HEATR4: variants seen among roughly 807,000 people sequenced by gnomAD.
HEATR4 encodes the protein HEAT repeat-containing protein 4.
HEATR4 carries 95 observed loss-of-function variants against 108.8 expected under a neutral mutation model. That is an observed-to-expected ratio of 0.87 (90% CI 0.74 to 1.04). The LOEUF (loss-of-function observed/expected upper bound fraction) is 1.04, where lower values mean the gene tolerates loss of function less well. Ranked by LOEUF, HEATR4 falls within the 50% of genes least tolerant of loss-of-function variation. The pLI is 0.00. For missense variants in HEATR4, 1,152 were observed against 1,253.8 expected (o/e 0.92, Z 1.23); for synonymous variants, 443 against 459.4 (o/e 0.96, Z 0.46).
intron 17 of HEATR4, among the ~76,000 whole-genome samples, chr14:73,480,002 C>G (rs781038995): frequency 1.2e-3 from 181 of 152,218 alleles, no homozygotes; most frequent in Non-Finnish European, 1.6e-3. Flanking sequence ...TATGTTCACT[C>G]ACACATTTGT....
Position 73,548,208 on chromosome 14 carries a change from TG to T in HEATR4, c.-152+10542del, listed in dbSNP as rs1168689598. Among the ~76,000 whole-genome samples the T allele has an allele frequency of 1.9e-3, 219 of 116,240 alleles. 67 individuals carry two copies. Among genetic ancestry groups the T allele is most frequent in the Middle Eastern group, 4.7e-3 (1 of 214 alleles). 76.3% of individuals were successfully genotyped at this position (116,240 alleles called of 152,430 possible). A position where few individuals can be genotyped will look rare whatever the true frequency, so the allele number is the denominator to read the frequency against. ...TAGAAGGGTCCAGCTGCCAGCCACT[TG>T]TAAAAAGAAGCCAATATAATAAGAG... is the stretch of plus-strand genomic sequence containing the variant. On this transcript the variant is annotated intron_variant, in intron 1 of 17. Transcript: ENST00000553558.
At chr14:73,546,359 G>A (rs1889229832) in intron 1 of HEATR4, among the ~76,000 whole-genome samples, 1 of 97,544 alleles carries the variant, frequency 1.0e-5, no homozygotes, top group African/African-American at 4.2e-5. Flanking sequence ...TTGACATTTC[G>A]TATTTTTTTT....
At chr14:73,519,187 G>A in intron 4 of HEATR4, 24 bp from the exon 5 acceptor site, 1 of 1,604,788 alleles carries the variant, frequency 6.2e-7, no homozygotes, top group South Asian at 1.1e-5. Context: ...AAGAAACAAT[G>A]AGTCCCCTAT....
Position 73,554,935 on chromosome 14 carries a change from G to A in HEATR4, c.-152+3816C>T, listed in dbSNP as rs1889373357. 3.5e-5 allele frequency among the ~76,000 whole-genome samples: 4 copies of A among 112,940 alleles called. No individual in the cohort carries two copies. In the South Asian group the frequency reaches 1.1e-3, roughly 31 times the overall value. The allele number at this position is 112,940 out of a possible 152,430, so 74.1% of individuals were successfully genotyped here. A position where few individuals can be genotyped will look rare whatever the true frequency, so the allele number is the denominator to read the frequency against. On this transcript the variant is annotated intron_variant, in intron 1 of 17. Transcript: ENST00000553558. ...AAGAAGACTGGATTTGGAAAGCATGGTCTACAATTGCTTGTCAAATTCTGA... is the reference window on the plus strand; with the variant it reads ...AAGAAGACTGGATTTGGAAAGCATGATCTACAATTGCTTGTCAAATTCTGA...
chr14:73,569,908 C>T, the HEATR4 span: 2 of 1,592,786 alleles, frequency 1.3e-6, no homozygotes, highest in African/African-American at 1.3e-5. Flanking sequence ...CTAATTGTTC[C>T]GTGTTCGTTC....
the HEATR4 span, among the ~76,000 whole-genome samples, chr14:73,577,644 C>G: frequency 6.6e-6 from 1 of 151,898 alleles, no homozygotes; most frequent in African/African-American, 2.4e-5. Flanking sequence ...AAACTTGAGT[C>G]TGCTGAAGCC....
chr14:73,512,888 G>A (rs1887351826), intron 6 of HEATR4, among the ~76,000 whole-genome samples: 1 of 152,090 alleles, frequency 6.6e-6, no homozygotes, highest in Non-Finnish European at 1.5e-5. Context: ...CACTAACTAA[G>A]CTTGTCTATC....
the HEATR4 span, chr14:73,592,359 G>C: frequency 6.3e-7 from 1 of 1,587,760 alleles, no homozygotes; most frequent in Admixed American, 1.8e-5. Flanking sequence ...CCCGCCAGGG[G>C]TGCGGCGCCA....
chr14:73,617,073 C>G, the HEATR4 span: 1 of 1,446,740 alleles, frequency 6.9e-7, no homozygotes, highest in Non-Finnish European at 9.7e-7. Context: ...CCTGGCCGGA[C>G]ATGGTTTTGC....
chr14:73,630,345 A>G, the HEATR4 span, among the ~76,000 whole-genome samples: 1 of 152,238 alleles, frequency 6.6e-6, no homozygotes, highest in Non-Finnish European at 1.5e-5. Flanking sequence ...TAAAGTCCCC[A>G]GCAAGCCTTT....
At chr14:73,618,422 G>A in the HEATR4 span, among the ~76,000 whole-genome samples, 1 of 147,636 alleles carries the variant, frequency 6.8e-6, no homozygotes, top group Non-Finnish European at 1.5e-5. Context: ...CATGCAAGCT[G>A]GGGTGTCCAC....
rs1424086289 is a variant in HEATR4 at position 73,521,003 on chromosome 14, C to T, written c.918G>A (p.Glu306=). 1 of 1,613,652 alleles carries T rather than the reference C, an allele frequency of 6.2e-7. No homozygotes were observed. The highest frequency in any genetic ancestry group is 1.7e-5 in the Admixed American group (1 of 59,890). ...PSYFQQAETV[E]IMPGNKSTED... is the part of the protein sequence containing the mutation. ...CAGTGCTCTTGTTGCCAGGCATGAT[C>T]TCAACTGTCTCTGCTTGTTGGAAGT... Residue 306 remains glutamate, a synonymous_variant, in exon 4 of 18, where the codon GAG becomes GAA. Transcript: ENST00000553558.
At chr14:73,597,094 A>ATTTT in the HEATR4 span, among the ~76,000 whole-genome samples, 79 of 149,438 alleles carry the variant, frequency 5.3e-4, no homozygotes, top group Non-Finnish European at 8.2e-4. Flanking sequence ...TTATTTATTT[A>ATTTT]TTTTTTTGAG....
At chr14:73,593,742 T>TGGAGGGGGCCTC in the HEATR4 span, 1 of 1,613,702 alleles carries the variant, frequency 6.2e-7, no homozygotes, top group Middle Eastern at 1.7e-4. Context: ...TCTTTGGTAT[T>TGGAGGGGGCCTC]GGAGGGGGCC....
At position 73,541,113 on chromosome 14, in the gene HEATR4, G is replaced by A; in HGVS notation, c.-151-10869C>T. ...TAAATGATAAAAATATTCAGTAAGT[G>A]GAGTCATTCAGAATGAGTAGCCTTT... is the stretch of plus-strand genomic sequence containing the variant. On this transcript the variant is annotated intron_variant, in intron 1 of 17. Coordinates refer to ENST00000553558, the MANE Select transcript of HEATR4 (RefSeq NM_001220484.1). Among the ~76,000 whole-genome samples the A allele has an allele frequency of 1.8e-5, 2 of 113,518 alleles. 1 individual carries two copies. The highest frequency in any genetic ancestry group is 3.8e-5 in the Non-Finnish European group (2 of 52,546). 74.5% of individuals were successfully genotyped at this position (113,518 alleles called of 152,430 possible).
At chr14:73,560,194 G>C (rs1352682340), upstream of HEATR4, among the ~76,000 whole-genome samples, 1 of 151,922 alleles carries the variant, frequency 6.6e-6, no homozygotes, top group Non-Finnish European at 1.5e-5. Flanking sequence ...AAGATTTCTG[G>C]GCCTAAGGCT....
the HEATR4 span, chr14:73,617,303 C>T: frequency 7.0e-7 from 1 of 1,421,392 alleles, no homozygotes; most frequent in Non-Finnish European, 9.9e-7. Context: ...CAGGAGATAC[C>T]AAGTCTCCTT....
chr14:73,522,542 G>A lies in HEATR4; in HGVS notation c.611C>T (p.Ala204Val). The change falls in exon 3 of 18, where the codon GCC becomes GTC. Residue 204 changes from alanine to valine, a missense_variant. Physicochemically the swap from Ala to Val is moderately conservative, Grantham distance 64 (BLOSUM62 0). Coordinates refer to ENST00000553558, the MANE Select transcript of HEATR4 (RefSeq NM_001220484.1). The part of the protein sequence containing the change: ...PPEKEARAWE[A>V]TVLEKLNERT... The stretch of plus-strand genomic sequence containing the variant: ...CTCGTTCAGCTTTTCCAGCACAGTG[G>A]CCTCCCACGCTCTGGCCTCCTTCTC... The A allele has an allele frequency of 6.2e-7, 1 of 1,614,162 alleles. No individual in the cohort carries two copies. The highest frequency in any genetic ancestry group is 8.5e-7 in the Non-Finnish European group (1 of 1,180,012).
upstream of HEATR4, among the ~76,000 whole-genome samples, chr14:73,561,765 C>T (rs1450797406): frequency 6.6e-6 from 1 of 152,056 alleles, no homozygotes; most frequent in Non-Finnish European, 1.5e-5. Context: ...AGGAAGATTG[C>T]TTGAATGTAG....
Sources: gnomAD v4.1 joint callset for allele counts (sites outside exome capture counted in the v4.1 genomes callset) on GRCh38, gnomAD v4.1.1 for gene constraint, MANE v1.5 for transcripts, NCBI Gene and HGNC (gene_info 2026-07-23, HGNC 2026-07-21) for gene names.